Variants in BMPR1B observed in about 807,000 individuals in gnomAD.
BMPR1B encodes the protein bone morphogenetic protein receptor type 1B.
In BMPR1B, 12 loss-of-function variants were observed where a neutral mutation model predicts 59.1. That is an observed-to-expected ratio of 0.20 (90% confidence interval 0.13 to 0.33). The LOEUF (loss-of-function observed/expected upper bound fraction) is 0.33. BMPR1B is among the 10% of genes least tolerant of loss of function. The probability of loss-of-function intolerance (pLI) is 1.00; values close to 1 mark genes in which losing one functional copy is unlikely to be tolerated. For synonymous variants in BMPR1B, 237 were observed against 207.3 expected (o/e 1.14, Z -1.23); for missense variants, 550 against 610.9 (o/e 0.90, Z 1.05).
intron 2 of BMPR1B, among the ~76,000 whole-genome samples, chr4:94,976,068 G>C (rs1287545795): frequency 1.3e-5 from 2 of 152,216 alleles, no homozygotes; most frequent in African/African-American, 4.8e-5. Flanking sequence ...GCAGCGACTA[G>C]AGTTGGAATA....
intron 2 of BMPR1B, among the ~76,000 whole-genome samples, chr4:94,966,027 G>C (rs781296243): frequency 9.9e-5 from 15 of 152,160 alleles, no homozygotes; most frequent in Non-Finnish European, 1.9e-4. Flanking sequence ...AAAAGATTTT[G>C]AATCTTGCAA....
intron 2 of BMPR1B, among the ~76,000 whole-genome samples, chr4:94,888,517 C>G (rs905845466): frequency 6.6e-6 from 1 of 151,968 alleles, no homozygotes; most frequent in African/African-American, 2.4e-5. Context: ...TACTATGCAC[C>G]AGGCACTGTC....
At chr4:94,994,695 CTTTT>C (rs34949480) in intron 2 of BMPR1B, among the ~76,000 whole-genome samples, 11 of 146,320 alleles carry the variant, frequency 7.5e-5, no homozygotes, top group African/African-American at 2.8e-4. Context: ...TTATGTGTAA[CTTTT>C]TTTTTTTTTG....
Position 95,156,486 on chromosome 4 carries a change from T to C in BMPR1B, c.*1813T>C, listed in dbSNP as rs1735431167. 1 of 152,130 alleles carries C rather than the reference T, an allele frequency of 6.6e-6. No homozygotes were observed. The highest frequency in any genetic ancestry group is 2.1e-4 in the South Asian group (1 of 4,830). 9.4% of individuals were successfully genotyped at this position (152,130 alleles called of 1,614,324 possible). On this transcript the variant is annotated 3_prime_UTR_variant, in exon 13 of 13. Transcript: ENST00000515059. ...ACTTCTGAAGTCGGTTTGCAGCTGG[T>C]AACTTGTTCATCCAGAAAACATTCT...
chr4:94,825,991 C>T (rs1724368278), intron 1 of BMPR1B, among the ~76,000 whole-genome samples: 1 of 151,964 alleles, frequency 6.6e-6, no homozygotes, highest in African/African-American at 2.4e-5. Flanking sequence ...ACTTTTTCCC[C>T]AGTGCCATTG....
chr4:95,031,682 T>C (rs1724868569), intron 3 of BMPR1B, among the ~76,000 whole-genome samples: 1 of 152,030 alleles, frequency 6.6e-6, no homozygotes, highest in African/African-American at 2.4e-5. Flanking sequence ...GGGATAGGAG[T>C]AGAAAAACAA....
In BMPR1B at chr4:95,065,649, A is replaced by G. The variant is rs193088029; in HGVS notation, c.-17-38759A>G. Among the ~76,000 whole-genome samples the G allele has an allele frequency of 2.3e-3, 346 of 152,244 alleles. 3 individuals are homozygous for G. Among genetic ancestry groups the G allele is most frequent in the African/African-American group, 7.9e-3 (329 of 41,544 alleles). ...TATTCTCTTATCCATTTTTAAATAT[A>G]TTTGTAGCATTTTATATAACAGAAG... On this transcript the variant is annotated intron_variant, in intron 3 of 12. Coordinates refer to ENST00000515059, the MANE Select transcript of BMPR1B (RefSeq NM_001203.3).
rs150214308 is a variant in BMPR1B, at chr4:95,002,415, A to G, written c.-18+6281A>G. 3.0e-3 allele frequency among the ~76,000 whole-genome samples: 461 copies of G among 152,258 alleles called. 3 individuals carry two copies. The highest frequency in any genetic ancestry group is 0.011 in the African/African-American group (449 of 41,540). ...CCTAGGTCGACCCCATGTCTTTGCT[A>G]TTGTGAATAGTGCTGTGATGAACAT... is the stretch of plus-strand genomic sequence containing the variant. On this transcript the variant is annotated intron_variant, in intron 3 of 12. Transcript: ENST00000515059.
At chr4:94,974,136 TCAC>T (rs1162831607) in intron 2 of BMPR1B, among the ~76,000 whole-genome samples, 1 of 152,202 alleles carries the variant, frequency 6.6e-6, no homozygotes, top group African/African-American at 2.4e-5. Flanking sequence ...ATTTATTTGA[TCAC>T]CAGTGAAGTT....
At chr4:94,807,766 C>T (rs1351050289) in intron 1 of BMPR1B, among the ~76,000 whole-genome samples, 2 of 152,156 alleles carry the variant, frequency 1.3e-5, no homozygotes, top group African/African-American at 2.4e-5. Context: ...CTCACTGCAA[C>T]CTCTTCCTCC....
At chr4:94,976,687 G>A (rs967353610) in intron 2 of BMPR1B, among the ~76,000 whole-genome samples, 20 of 152,292 alleles carry the variant, frequency 1.3e-4, no homozygotes, top group African/African-American at 4.6e-4. Context: ...AAAAAGATAA[G>A]TCATCTGCCT....
chr4:94,792,843 A>G (rs1477561951), intron 1 of BMPR1B, among the ~76,000 whole-genome samples: 1 of 152,188 alleles, frequency 6.6e-6, no homozygotes, highest in Non-Finnish European at 1.5e-5. Flanking sequence ...AAACACCCTT[A>G]GATATACAAA....
intron 2 of BMPR1B, among the ~76,000 whole-genome samples, chr4:94,946,185 T>TA (rs1729703375): frequency 6.6e-6 from 1 of 152,206 alleles, no homozygotes; most frequent in Non-Finnish European, 1.5e-5. Flanking sequence ...TGTTATCTCT[T>TA]ACGAATCTTT....
chr4:94,843,853 T>C (rs1284133753), intron 1 of BMPR1B, among the ~76,000 whole-genome samples: 1 of 152,146 alleles, frequency 6.6e-6, no homozygotes, highest in African/African-American at 2.4e-5. Context: ...CCTGCTCTGG[T>C]CAGTTTCCTA....
At chr4:94,892,417 T>C (rs1210686005) in intron 2 of BMPR1B, among the ~76,000 whole-genome samples, 3 of 152,126 alleles carry the variant, frequency 2.0e-5, no homozygotes. Flanking sequence ...GTTATAATTA[T>C]GTGAGATGAG....
chr4:94,928,168 T>C (rs1578812234), intron 2 of BMPR1B, among the ~76,000 whole-genome samples: 1 of 151,740 alleles, frequency 6.6e-6, no homozygotes, highest in African/African-American at 2.4e-5. Context: ...TATTGTATTT[T>C]TTTTTTTTTT....
At chr4:94,773,586 A>G (rs1399408753) in intron 1 of BMPR1B, among the ~76,000 whole-genome samples, 1 of 152,090 alleles carries the variant, frequency 6.6e-6, no homozygotes, top group Non-Finnish European at 1.5e-5. Context: ...TTTGCTAAGA[A>G]CTTTTAAGGC....
At chr4:94,922,158 G>A (rs1299575606) in intron 2 of BMPR1B, among the ~76,000 whole-genome samples, 2 of 151,848 alleles carry the variant, frequency 1.3e-5, no homozygotes, top group African/African-American at 4.8e-5. Context: ...TTCTTATGTA[G>A]AGAAGGGAGT....
intron 2 of BMPR1B, among the ~76,000 whole-genome samples, chr4:94,923,821 C>T (rs541117536): frequency 2.0e-5 from 3 of 151,996 alleles, no homozygotes; most frequent in South Asian, 2.1e-4. Context: ...GATGATCTTT[C>T]GGCTCAAAGA....
Sources: allele counts gnomAD v4.1 joint callset (sites outside exome capture counted in the v4.1 genomes callset), GRCh38; gene constraint gnomAD v4.1.1; transcripts MANE v1.5; gene names NCBI Gene and HGNC (gene_info 2026-07-23, HGNC 2026-07-21).